Variants in KIF6 observed in about 807,000 individuals in gnomAD.
KIF6 encodes kinesin-like protein KIF6.
KIF6 carries 106 observed loss-of-function variants against 112.7 expected under a neutral mutation model. That is an observed-to-expected ratio of 0.94 (90% CI 0.80 to 1.11). KIF6 has a LOEUF of 1.11. KIF6 is among the 50% of genes least tolerant of loss of function. The pLI is 0.00. For missense variants in KIF6, 929 were observed against 964.0 expected, an observed-to-expected ratio of 0.96 and a Z score of 0.48; for synonymous variants, 339 against 339.9, an observed-to-expected ratio of 1.00 and a Z score of 0.03.
intron 3 of KIF6, among the ~76,000 whole-genome samples, chr6:39,707,220 T>G (rs1465915732): frequency 1.3e-5 from 2 of 152,222 alleles, no homozygotes; most frequent in Non-Finnish European, 2.9e-5. Context: ...TTTTACCAGT[T>G]TGAATGAAGT....
chr6:39,339,392 C>T (rs561017570), intron 22 of KIF6, among the ~76,000 whole-genome samples: 5 of 152,216 alleles, frequency 3.3e-5, no homozygotes, highest in South Asian at 4.2e-4. Flanking sequence ...CAGAGATGGC[C>T]TTGGAATTTC....
intron 10 of KIF6, among the ~76,000 whole-genome samples, chr6:39,567,808 T>C (rs375623498): frequency 1.1e-3 from 175 of 152,174 alleles, no homozygotes; most frequent in East Asian, 8.0e-3. Flanking sequence ...GGGGTTTCAC[T>C]GTGTTAGCCA....
At chr6:39,586,469 G>A in intron 7 of KIF6, 65 bp from the exon 8 acceptor site, 1 of 1,318,370 alleles carries the variant, frequency 7.6e-7, no homozygotes. Context: ...ACAAACAACA[G>A]AGCTTCAATA....
chr6:39,443,437 A>T (rs1014789148), intron 13 of KIF6, among the ~76,000 whole-genome samples: 1 of 151,974 alleles, frequency 6.6e-6, no homozygotes, highest in African/African-American at 2.4e-5. Context: ...TCATGTATTT[A>T]ATTTTATTTA....
chr6:39,556,330 A>G (rs534784951), intron 10 of KIF6, among the ~76,000 whole-genome samples: 1 of 152,272 alleles, frequency 6.6e-6, no homozygotes, highest in Middle Eastern at 3.4e-3. Flanking sequence ...TGAGCAGGAG[A>G]TCTAGCAGCA....
At chr6:39,425,541 C>T (rs1420675804) in intron 14 of KIF6, among the ~76,000 whole-genome samples, 1 of 152,116 alleles carries the variant, frequency 6.6e-6, no homozygotes, top group Non-Finnish European at 1.5e-5. Flanking sequence ...CCCTGACCCT[C>T]CAGAAGCCTG....
chr6:39,386,823 G>T (rs1389654859), intron 15 of KIF6, among the ~76,000 whole-genome samples: 1 of 152,224 alleles, frequency 6.6e-6, no homozygotes, highest in East Asian at 1.9e-4. Flanking sequence ...TAAAATGTCA[G>T]TGCTGTCTGT....
At chr6:39,656,363 T>C (rs1192005028) in intron 3 of KIF6, among the ~76,000 whole-genome samples, 2 of 152,194 alleles carry the variant, frequency 1.3e-5, no homozygotes, top group African/African-American at 4.8e-5. Flanking sequence ...TGTAATACCA[T>C]TCTAAATAGT....
At chr6:39,701,188 G>A (rs1309408682) in intron 3 of KIF6, among the ~76,000 whole-genome samples, 1 of 152,202 alleles carries the variant, frequency 6.6e-6, no homozygotes, top group Non-Finnish European at 1.5e-5. Context: ...AGCTCCAAAA[G>A]TTTCTGTTCA....
At chr6:39,522,513 C>T (rs1777455679) in intron 13 of KIF6, among the ~76,000 whole-genome samples, 1 of 152,198 alleles carries the variant, frequency 6.6e-6, no homozygotes, top group Admixed American at 6.5e-5. Context: ...ATCTGTGTGA[C>T]CACTTCTGTC....
intron 3 of KIF6, among the ~76,000 whole-genome samples, chr6:39,676,696 T>G (rs1787159764): frequency 6.6e-6 from 1 of 152,192 alleles, no homozygotes; most frequent in South Asian, 2.1e-4. Context: ...AATTTTAGAC[T>G]TTATAAAGTC....
chr6:39,686,985 C>T (rs1193328015), intron 3 of KIF6, among the ~76,000 whole-genome samples: 2 of 152,062 alleles, frequency 1.3e-5, no homozygotes, highest in East Asian at 1.9e-4. Context: ...TGAAGCTACA[C>T]TTTAGGAGGC....
chr6:39,704,717 T>C (rs1325139255), intron 3 of KIF6, among the ~76,000 whole-genome samples: 8 of 152,224 alleles, frequency 5.3e-5, no homozygotes, highest in Non-Finnish European at 8.8e-5. Context: ...ACTGCACTTA[T>C]ATGGCTCCAA....
chr6:39,708,050 T>C (rs1789316173), intron 3 of KIF6, among the ~76,000 whole-genome samples: 1 of 152,226 alleles, frequency 6.6e-6, no homozygotes, highest in Non-Finnish European at 1.5e-5. Context: ...CTGTCCTCCT[T>C]GTCTTGAAAG....
chr6:39,714,713 A>T lies in KIF6; in HGVS notation c.230T>A (p.Ile77Asn). Residue 77 changes from isoleucine to asparagine, a missense_variant, in exon 3 of 23, where the codon ATT (isoleucine) becomes AAT (asparagine). Physicochemically the swap from Ile to Asn is moderately radical, Grantham distance 149. Transcript: ENST00000287152. ...CTACCTCCCAGCAACTGGTTTGGCAATGTTTTCAAAAACGGTCTCTTGGTT... is the reference window on the plus strand; with the variant it reads ...CTACCTCCCAGCAACTGGTTTGGCATTGTTTTCAAAAACGGTCTCTTGGTT... ...DANQETVFEN[I>N]AKPVAGSVLA... 2 of 1,613,910 alleles carry T rather than the reference A, an allele frequency of 1.2e-6. No homozygotes were observed. The highest frequency in any genetic ancestry group is 4.5e-5 in the East Asian group (2 of 44,876).
intron 15 of KIF6, among the ~76,000 whole-genome samples, chr6:39,399,870 C>T (rs1055711279): frequency 6.6e-6 from 1 of 152,236 alleles, no homozygotes; most frequent in Admixed American, 6.5e-5. Flanking sequence ...CAGATGCCAT[C>T]GCCAGGGCCA....
intron 16 of KIF6, among the ~76,000 whole-genome samples, chr6:39,366,709 CAAT>C (rs1415563371): frequency 3.3e-5 from 5 of 152,100 alleles, no homozygotes; most frequent in African/African-American, 1.2e-4. Flanking sequence ...CATCTAACAA[CAAT>C]GAGAAGGCCA....
chr6:39,545,712 A>G (rs749836244), intron 10 of KIF6, 24 bp from the exon 11 acceptor site: 15 of 1,414,850 alleles, frequency 1.1e-5, no homozygotes, highest in Non-Finnish European at 1.5e-5. Flanking sequence ...ATGTATGAGA[A>G]GCAACTGTGA....
intron 3 of KIF6, among the ~76,000 whole-genome samples, chr6:39,657,344 A>C (rs1785860015): frequency 6.6e-6 from 1 of 152,152 alleles, no homozygotes; most frequent in African/African-American, 2.4e-5. Flanking sequence ...GGATTGAAAA[A>C]ATCTGTGGAA....
Sources: allele counts gnomAD v4.1 joint callset (sites outside exome capture counted in the v4.1 genomes callset), GRCh38; gene constraint gnomAD v4.1.1; transcripts MANE v1.5; gene names NCBI Gene and HGNC (gene_info 2026-07-23, HGNC 2026-07-21).